GABRP: variants seen among roughly 807,000 people sequenced by gnomAD.
GABRP encodes the protein gamma-aminobutyric acid receptor subunit pi.
GABRP carries 52 observed loss-of-function variants against 47.8 expected under a neutral mutation model. The observed-to-expected ratio is 1.09, with a 90% CI of 0.87 to 1.37. GABRP has a LOEUF of 1.37. Among genes scored for constraint, GABRP ranks in the 40% most tolerant of loss-of-function variants. The probability of loss-of-function intolerance (pLI) is 0.00; values close to 1 mark genes in which losing one functional copy is unlikely to be tolerated. For missense variants in GABRP, 525 were observed against 542.8 expected, an observed-to-expected ratio of 0.97 and a Z score of 0.33; for synonymous variants, 221 against 205.8, an observed-to-expected ratio of 1.07 and a Z score of -0.63.
chr5:170,803,686 T>G (rs190658786), intron 6 of GABRP, among the ~76,000 whole-genome samples: 1 of 152,274 alleles, frequency 6.6e-6, no homozygotes, highest in Non-Finnish European at 1.5e-5. Context: ...ACCTACTCGC[T>G]GTCTGTATGA....
At chr5:170,794,374 TCAAA>T (rs79501054) in intron 4 of GABRP, 76 bp downstream of exon 4, 15 of 213,220 alleles carry the variant, frequency 7.0e-5, no homozygotes, top group South Asian at 1.6e-4. Flanking sequence ...TTCTAGCCGC[TCAAA>T]AAAAAAAAAA....
intron 6 of GABRP, among the ~76,000 whole-genome samples, chr5:170,801,450 C>T (rs1413080680): frequency 6.6e-6 from 1 of 152,166 alleles, no homozygotes; most frequent in African/African-American, 2.4e-5. Context: ...CAAATCCTGC[C>T]AGAATGTTCA....
At chr5:170,801,156 G>T (rs903608458) in intron 6 of GABRP, among the ~76,000 whole-genome samples, 2 of 152,104 alleles carry the variant, frequency 1.3e-5, no homozygotes, top group African/African-American at 2.4e-5. Flanking sequence ...TGAAGTAGCC[G>T]CACGGGGACT....
chr5:170,791,639 G>T (rs926911830), intron 3 of GABRP, among the ~76,000 whole-genome samples: 1 of 149,102 alleles, frequency 6.7e-6, no homozygotes, highest in Non-Finnish European at 1.5e-5. Context: ...TAGATTAGAC[G>T]GTGTAGAATA....
rs542863046 is a variant in GABRP, at chr5:170,788,814, C to T, written c.53+146C>T. The T allele has an allele frequency of 4.3e-5, 32 of 750,038 alleles. No individual in the cohort carries two copies. The African/African-American group carries it at 4.9e-4, about 11-fold the overall frequency. 46.5% of individuals were successfully genotyped at this position (750,038 alleles called of 1,614,324 possible). ...CCTGGAGCACCGAACAATGAAACTT[C>T]CTGCCATTTACTCTATTTACAGAAC... On this transcript the variant is annotated intron_variant, in intron 2 of 9. Coordinates refer to ENST00000265294, the MANE Select transcript of GABRP (RefSeq NM_014211.3).
At chr5:170,785,374 CT>C (rs1359210150) in intron 1 of GABRP, among the ~76,000 whole-genome samples, 1 of 152,162 alleles carries the variant, frequency 6.6e-6, no homozygotes, top group Non-Finnish European at 1.5e-5. Context: ...AGATTTGACT[CT>C]AAAAATTAAC....
At chr5:170,811,750 C>A (rs1679728260) in intron 9 of GABRP, among the ~76,000 whole-genome samples, 1 of 152,204 alleles carries the variant, frequency 6.6e-6, no homozygotes, top group African/African-American at 2.4e-5. Context: ...GTTATATATG[C>A]TGGTGACCTA....
chr5:170,805,804 C>T lies in GABRP; in HGVS notation c.630C>T (p.Tyr210=), dbSNP rs1765718339. 6.2e-7 allele frequency: 1 copy of T among 1,614,172 alleles called. No individual in the cohort carries two copies. The highest frequency in any genetic ancestry group is 8.5e-7 in the Non-Finnish European group (1 of 1,180,028). Reference sequence around the variant, plus strand: ...TGGAACACCTGCGGCTTGCTCAGTACACCATAGAGCGGTATTTCACCTTAG... The same window carrying T: ...TGGAACACCTGCGGCTTGCTCAGTATACCATAGAGCGGTATTTCACCTTAG... The part of the protein sequence containing the change: ...RGLEHLRLAQ[Y]TIERYFTLVT... Residue 210 remains tyrosine (Y), a synonymous_variant, in exon 7 of 10, where the codon TAC becomes TAT. Coordinates refer to ENST00000265294, the MANE Select transcript of GABRP (RefSeq NM_014211.3).
chr5:170,792,595 C>T, intron 3 of GABRP, among the ~76,000 whole-genome samples: 1 of 152,188 alleles, frequency 6.6e-6, no homozygotes, highest in Non-Finnish European at 1.5e-5. Flanking sequence ...CAGAGCTGCA[C>T]CTTGCTGCCC....
At chr5:170,806,463 A>T (rs371648443) in intron 7 of GABRP, among the ~76,000 whole-genome samples, 46 of 152,280 alleles carry the variant, frequency 3.0e-4, no homozygotes, top group African/African-American at 7.5e-4. Flanking sequence ...TATTTTATTT[A>T]ATTGAGACAA....
At chr5:170,792,596 C>T (rs1434822732) in intron 3 of GABRP, among the ~76,000 whole-genome samples, 2 of 152,186 alleles carry the variant, frequency 1.3e-5, no homozygotes, top group Non-Finnish European at 2.9e-5. Context: ...AGAGCTGCAC[C>T]TTGCTGCCCA....
rs191752767 is a variant in GABRP, at chr5:170,798,108, C to T, written c.541+560C>T. Among the ~76,000 whole-genome samples, 7 of 152,358 alleles carry T rather than the reference C, an allele frequency of 4.6e-5. No individual in the cohort carries two copies. In the East Asian group the frequency reaches 1.4e-3, roughly 29 times the overall value. ...CCAAGCTGGACTGTGGTGGCGCGAT[C>T]TCGGCTCACTGCAAGCTCTGCCTCC... is the stretch of plus-strand genomic sequence containing the variant. On this transcript the variant is annotated intron_variant, in intron 6 of 9. Transcript: ENST00000265294.
chr5:170,799,215 A>C (rs1014619339), intron 6 of GABRP, among the ~76,000 whole-genome samples: 4 of 152,098 alleles, frequency 2.6e-5, no homozygotes, highest in African/African-American at 9.7e-5. Context: ...AGCCTTTGCT[A>C]TTGTGAATAA....
chr5:170,811,573 T>G (rs938354288), intron 9 of GABRP, among the ~76,000 whole-genome samples: 4 of 152,150 alleles, frequency 2.6e-5, no homozygotes, highest in African/African-American at 9.7e-5. Context: ...CAATCACCAT[T>G]TGGCAGGCGA....
intron 5 of GABRP, among the ~76,000 whole-genome samples, chr5:170,796,406 A>G (rs1033604604): frequency 6.6e-6 from 1 of 152,170 alleles, no homozygotes; most frequent in Non-Finnish European, 1.5e-5. Flanking sequence ...TTGTGTGTAC[A>G]TGTGTGTCTG....
intron 6 of GABRP, among the ~76,000 whole-genome samples, chr5:170,804,077 CT>C (rs1189899423): frequency 6.6e-6 from 1 of 151,990 alleles, no homozygotes; most frequent in African/African-American, 2.4e-5. Context: ...CCTATGTGGT[CT>C]TTTGCATCTG....
At chr5:170,784,622 T>C (rs1235623682) in intron 1 of GABRP, among the ~76,000 whole-genome samples, 2 of 152,198 alleles carry the variant, frequency 1.3e-5, no homozygotes, top group African/African-American at 4.8e-5. Context: ...CTGGGGTGTA[T>C]ATAGAAATAG....
Position 170,794,221 on chromosome 5 carries a change from T to A in GABRP, c.173-10T>A. 1 of 1,597,320 alleles carries A rather than the reference T, an allele frequency of 6.3e-7. No homozygotes were observed. The highest frequency in any genetic ancestry group is 8.6e-7 in the Non-Finnish European group (1 of 1,167,592). ...GTGTTTCCATTCTTTCTTGTTTTTT[T>A]TTATCTTAGGAGAACCCGTACAGAT... On this transcript the variant is annotated splice_polypyrimidine_tract_variant and intron_variant, in intron 3 of 9. Coordinates refer to ENST00000265294, the MANE Select transcript of GABRP (RefSeq NM_014211.3).
intron 7 of GABRP, among the ~76,000 whole-genome samples, chr5:170,806,661 C>T (rs1388142239): frequency 2.6e-5 from 4 of 152,078 alleles, no homozygotes; most frequent in African/African-American, 7.2e-5. Flanking sequence ...AGGCTGGTCT[C>T]GAACTCCTGA....
Sources: allele counts gnomAD v4.1 joint callset (sites outside exome capture counted in the v4.1 genomes callset), GRCh38; gene constraint gnomAD v4.1.1; transcripts MANE v1.5; gene names NCBI Gene and HGNC (gene_info 2026-07-23, HGNC 2026-07-21).